DCDC1: variants seen among roughly 807,000 people sequenced by gnomAD.
The protein encoded by DCDC1 is doublecortin domain-containing protein 1.
Under a neutral mutation model 178.3 loss-of-function variants are expected in DCDC1, and 200 were observed. The observed-to-expected ratio is 1.12, with a 90% CI of 1.00 to 1.26. The LOEUF is 1.26. DCDC1 is among the 50% of genes most tolerant of loss of function. DCDC1 has a pLI of 0.00. For missense variants in DCDC1, 1,983 were observed against 1,749.2 expected (o/e 1.13, Z -2.38); for synonymous variants, 690 against 604.8 (o/e 1.14, Z -2.07).
intron 1 of DCDC1, among the ~76,000 whole-genome samples, chr11:31,364,150 G>A (rs1391826159): frequency 2.6e-5 from 4 of 152,286 alleles, no homozygotes; most frequent in Admixed American, 2.6e-4. Context: ...AGTAGGCTAT[G>A]TTAAGCTATG....
chr11:31,284,746 C>T (rs1565548997), intron 7 of DCDC1, among the ~76,000 whole-genome samples: 1 of 151,718 alleles, frequency 6.6e-6, no homozygotes, highest in African/African-American at 2.4e-5. Flanking sequence ...TCAAGCAATT[C>T]TCCTGCCTCA....
intron 6 of DCDC1, among the ~76,000 whole-genome samples, chr11:31,300,719 T>G (rs1948053967): frequency 6.6e-6 from 1 of 151,932 alleles, no homozygotes; most frequent in South Asian, 2.1e-4. Context: ...AATTCTCAGG[T>G]AAAGTAACAA....
chr11:31,142,996 C>T (rs914936810), intron 9 of DCDC1, among the ~76,000 whole-genome samples: 5 of 152,076 alleles, frequency 3.3e-5, no homozygotes, highest in Admixed American at 1.3e-4. Context: ...AATAATATGA[C>T]ATGTTTCCAC....
intron 9 of DCDC1, among the ~76,000 whole-genome samples, chr11:31,179,533 T>C (rs1182874876): frequency 1.3e-5 from 2 of 152,182 alleles, no homozygotes; most frequent in Non-Finnish European, 2.9e-5. Flanking sequence ...ACAATGTGAA[T>C]GAATCTAGAC....
intron 21 of DCDC1, among the ~76,000 whole-genome samples, chr11:30,947,444 A>G (rs1948118756): frequency 6.6e-6 from 1 of 152,190 alleles, no homozygotes; most frequent in East Asian, 1.9e-4. Context: ...CAAATATGCT[A>G]AGAACATACC....
intron 38 of DCDC1, among the ~76,000 whole-genome samples, chr11:30,872,566 G>C (rs1261128684): frequency 6.6e-6 from 1 of 152,142 alleles, no homozygotes. Context: ...CTGTTGGACA[G>C]TGGCTACTTT....
At chr11:31,336,487 G>A (rs1242670371) in intron 1 of DCDC1, among the ~76,000 whole-genome samples, 4 of 152,326 alleles carry the variant, frequency 2.6e-5, no homozygotes, top group East Asian at 3.9e-4. Context: ...AGGACTTTGC[G>A]AGAACTAGTA....
intron 9 of DCDC1, among the ~76,000 whole-genome samples, chr11:31,186,854 T>C (rs1284894957): frequency 6.6e-6 from 1 of 152,210 alleles, no homozygotes; most frequent in South Asian, 2.1e-4. Flanking sequence ...CATCCAATTA[T>C]ATCTGTTGCA....
chr11:31,275,398 C>T (rs765181939), intron 7 of DCDC1, among the ~76,000 whole-genome samples: 1 of 152,190 alleles, frequency 6.6e-6, no homozygotes, highest in Admixed American at 6.5e-5. Context: ...AATATCCATT[C>T]TCCATCCTCA....
chr11:31,129,121 A>G (rs1962067259), intron 10 of DCDC1, among the ~76,000 whole-genome samples: 1 of 152,132 alleles, frequency 6.6e-6, no homozygotes, highest in South Asian at 2.1e-4. Context: ...CCTTCTGCAG[A>G]GCATTCAGAG....
intron 9 of DCDC1, among the ~76,000 whole-genome samples, chr11:31,205,966 C>T (rs945275332): frequency 1.3e-5 from 2 of 152,092 alleles, no homozygotes; most frequent in Admixed American, 6.6e-5. Context: ...CTACTATGTA[C>T]ACATAAAAAT....
rs372974839 is a variant in DCDC1, at chr11:30,893,143, C to T, written c.4903-146G>A. ...AAGTAACTATTAAGTACATTAGCCT[C>T]TCTTGTCACTGACTCTGGTAAATTC... On this transcript the variant is annotated intron_variant, in intron 35 of 38. Coordinates refer to ENST00000684477, the MANE Select transcript of DCDC1 (RefSeq NM_001387274.1). The T allele has an allele frequency of 1.1e-4, 89 of 777,516 alleles. No individual in the cohort carries two copies. In the African/African-American group the frequency reaches 1.4e-3, roughly 13 times the overall value. The allele number at this position is 777,516 out of a possible 1,614,324, so 48.2% of individuals were successfully genotyped here. A position where few individuals can be genotyped will look rare whatever the true frequency, so the allele number is the denominator to read the frequency against.
At chr11:31,182,375 ATC>A (rs1345547174) in intron 9 of DCDC1, among the ~76,000 whole-genome samples, 1 of 152,236 alleles carries the variant, frequency 6.6e-6, no homozygotes. Flanking sequence ...CTAACAGCAG[ATC>A]TCTCTGCAGA....
rs371675398 is a variant in DCDC1 at position 31,102,175 on chromosome 11, A to G, written c.1983+2T>C. 90 of 706,080 alleles carry G rather than the reference A, an allele frequency of 1.3e-4. No individual in the cohort carries two copies. In the African/African-American group the frequency reaches 1.4e-3, roughly 11 times the overall value. The allele number at this position is 706,080 out of a possible 1,614,324, so 43.7% of individuals were successfully genotyped here. A position where few individuals can be genotyped will look rare whatever the true frequency, so the allele number is the denominator to read the frequency against. On this transcript the variant is annotated splice_donor_variant, in intron 15 of 38. Coordinates refer to ENST00000684477, the MANE Select transcript of DCDC1 (RefSeq NM_001387274.1). LOFTEE classifies it high-confidence loss of function. ...TTTAAAGTACAATAACTAAAATCCC[A>G]CCTTGTTCTGTAGAAAATGGTTCTC... is the stretch of plus-strand genomic sequence containing the variant.
At chr11:31,355,065 T>C (rs916941836) in intron 1 of DCDC1, among the ~76,000 whole-genome samples, 1 of 152,118 alleles carries the variant, frequency 6.6e-6, no homozygotes, top group Admixed American at 6.5e-5. Context: ...GGAACAAGGA[T>C]GCACTTTGTG....
chr11:30,905,156 C>T lies in DCDC1; in HGVS notation c.4113G>A (p.Leu1371=), dbSNP rs748955805. The part of the protein sequence containing the change: ...FKVISVAEVD[L]SCDKAEKTLS... ...GAGTTTTTTCAGCCTTGTCACACGA[C>T]AAATCAACCTAATTTTTTAAAAAAT... Residue 1371 remains leucine, a synonymous_variant, in exon 31 of 39, where the codon TTG becomes TTA. Transcript: ENST00000684477. The T allele has an allele frequency of 6.3e-7, 1 of 1,590,614 alleles. No homozygotes were observed. The highest frequency in any genetic ancestry group is 1.1e-5 in the South Asian group (1 of 88,998).
intron 9 of DCDC1, among the ~76,000 whole-genome samples, chr11:31,233,468 G>A (rs1434422363): frequency 6.6e-6 from 1 of 152,166 alleles, no homozygotes; most frequent in Non-Finnish European, 1.5e-5. Context: ...CATCATTTGA[G>A]TTTGTCTTCT....
rs755823152 is a variant in DCDC1, at chr11:30,917,002, C to A, written c.3320G>T (p.Arg1107Leu). The A allele has an allele frequency of 6.2e-7, 1 of 1,607,522 alleles. No individual in the cohort carries two copies. Among genetic ancestry groups the A allele is most frequent in the Admixed American group, 1.7e-5 (1 of 59,266 alleles). ...ILDSHVRAHL[R>L]MKACHTLPRY... ...GGGAAGTGTGTGACAAGCCTTCATTCGAAGATGAGCTCTTACGTGTGAATC... is the reference window on the plus strand; with the variant it reads ...GGGAAGTGTGTGACAAGCCTTCATTAGAAGATGAGCTCTTACGTGTGAATC... The change falls in exon 26 of 39, where the codon CGA (arginine) becomes CTA (leucine). Residue 1107 changes from arginine to leucine, a missense_variant. By Grantham distance (102) the Arg-to-Leu change is moderately radical (BLOSUM62 -2). Coordinates refer to ENST00000684477, the MANE Select transcript of DCDC1 (RefSeq NM_001387274.1).
intron 9 of DCDC1, among the ~76,000 whole-genome samples, chr11:31,141,332 T>C (rs771254643): frequency 1.9e-4 from 29 of 152,228 alleles, no homozygotes; most frequent in Non-Finnish European, 1.5e-4. Flanking sequence ...CTAATTCATA[T>C]TGACATTCCA....
Sources: gnomAD v4.1 joint callset for allele counts (sites outside exome capture counted in the v4.1 genomes callset) on GRCh38, gnomAD v4.1.1 for gene constraint, MANE v1.5 for transcripts, NCBI Gene and HGNC (gene_info 2026-07-23, HGNC 2026-07-21) for gene names.